The following LMBR1 variants were observed in gnomAD, a reference collection of about 807,000 sequenced individuals.
LMBR1 encodes the protein limb region 1 protein homolog.
LMBR1 carries 52 observed loss-of-function variants against 73.9 expected under a neutral mutation model. The observed-to-expected ratio is 0.70, with a 90% confidence interval of 0.56 to 0.89. The LOEUF (loss-of-function observed/expected upper bound fraction) is 0.89. LMBR1 is among the 40% of genes least tolerant of loss of function. The probability of loss-of-function intolerance (pLI) is 0.00; values close to 1 mark genes in which losing one functional copy is unlikely to be tolerated. For missense variants in LMBR1, 539 were observed against 579.8 expected, an observed-to-expected ratio of 0.93 and a Z score of 0.72; for synonymous variants, 215 against 209.4, an observed-to-expected ratio of 1.03 and a Z score of -0.23.
At chr7:156,874,483 T>G (rs1034751470) in intron 1 of LMBR1, among the ~76,000 whole-genome samples, 11 of 152,092 alleles carry the variant, frequency 7.2e-5, no homozygotes, top group Admixed American at 2.0e-4. Context: ...GCTCCTCAAA[T>G]GCCACCAAAG....
At chr7:156,743,789 A>T (rs993438381) in intron 9 of LMBR1, among the ~76,000 whole-genome samples, 1 of 152,212 alleles carries the variant, frequency 6.6e-6, no homozygotes, top group Non-Finnish European at 1.5e-5. Flanking sequence ...AGCATCACAC[A>T]GTCCTAGCCC....
chr7:156,874,473 G>C (rs552512454), intron 1 of LMBR1, among the ~76,000 whole-genome samples: 1 of 152,358 alleles, frequency 6.6e-6, no homozygotes, highest in Admixed American at 6.5e-5. Context: ...GGGCCGAAGG[G>C]CTCCTCAAAT....
chr7:156,676,914 T>C (rs1031397353), downstream of LMBR1: 23 of 429,900 alleles, frequency 5.4e-5, 1 homozygote, highest in South Asian at 2.1e-4. Flanking sequence ...AGAGCTTGCT[T>C]ACTTCTAAAA....
At chr7:156,886,998 T>C (rs987785354) in intron 1 of LMBR1, among the ~76,000 whole-genome samples, 1 of 152,176 alleles carries the variant, frequency 6.6e-6, no homozygotes, top group African/African-American at 2.4e-5. Flanking sequence ...AGAGAGGGTA[T>C]ACTCAGTTAG....
At chr7:156,862,369 C>T (rs922671221) in intron 1 of LMBR1, among the ~76,000 whole-genome samples, 10 of 152,060 alleles carry the variant, frequency 6.6e-5, no homozygotes, top group South Asian at 4.1e-4. Context: ...GTCCCTCCCA[C>T]GACACATGAG....
chr7:156,789,680 C>T (rs1828850873), intron 5 of LMBR1, among the ~76,000 whole-genome samples: 1 of 152,070 alleles, frequency 6.6e-6, no homozygotes, highest in African/African-American at 2.4e-5. Context: ...ACAATTCAAC[C>T]CCTAGCCTCT....
rs190378134 is a variant in LMBR1, at chr7:156,752,084, G to A, written c.757+4309C>T. 2.8e-3 allele frequency among the ~76,000 whole-genome samples: 419 copies of A among 152,244 alleles called. 4 individuals are homozygous for A. Among genetic ancestry groups the A allele is most frequent in the African/African-American group, 9.3e-3 (385 of 41,542 alleles). On this transcript the variant is annotated intron_variant, in intron 9 of 16. Coordinates refer to ENST00000353442, the MANE Select transcript of LMBR1 (RefSeq NM_022458.4). ...AAAGTGGATTGAGAAAAAGCAGCCC[G>A]TTAAATAAAAGGAACAGGAAAGTAT...
chr7:156,836,532 T>G (rs960563925), intron 2 of LMBR1, among the ~76,000 whole-genome samples: 7 of 152,168 alleles, frequency 4.6e-5, no homozygotes, highest in African/African-American at 1.7e-4. Context: ...CAAATATCCT[T>G]ATAAACTCGG....
rs1805892086 is a variant in LMBR1 at position 156,685,821 on chromosome 7, T to C, written c.1388-1658A>G. 6.6e-6 allele frequency among the ~76,000 whole-genome samples: 1 copy of C among 152,216 alleles called. No homozygotes were observed. The highest frequency in any genetic ancestry group is 6.5e-5 in the Admixed American group (1 of 15,288). ...CCTTTCTGGCATCTCAACAACTTAC[T>C]TGGAAAAGATTTTTCTCCCTAAAAT... On this transcript the variant is annotated intron_variant, in intron 16 of 16. Coordinates refer to ENST00000353442, the MANE Select transcript of LMBR1 (RefSeq NM_022458.4). This position sits in a 1 kb window ranked among gnomAD's most constrained non-coding sequence, Gnocchi z 4.1.
intron 4 of LMBR1, among the ~76,000 whole-genome samples, chr7:156,806,031 G>A (rs915843418): frequency 4.6e-5 from 7 of 152,264 alleles, no homozygotes; most frequent in Admixed American, 6.5e-5. Flanking sequence ...TCAGCCTCCA[G>A]AACTGTAAAA....
chr7:156,855,666 C>CAAAAAAAAAAAAAAAAA (rs35231167), intron 1 of LMBR1, among the ~76,000 whole-genome samples: 2 of 87,280 alleles, frequency 2.3e-5, no homozygotes, highest in Non-Finnish European at 4.4e-5. Flanking sequence ...AACGTAAATA[C>CAAAAAAAAAAAAAAAAA]AAAAAAAAAA....
intron 4 of LMBR1, among the ~76,000 whole-genome samples, chr7:156,812,533 G>A (rs930918835): frequency 6.6e-6 from 1 of 152,144 alleles, no homozygotes; most frequent in African/African-American, 2.4e-5. Context: ...GGAAGGAAAT[G>A]AGGGCCTCAG....
rs71189962 is a variant in LMBR1, at chr7:156,806,598, CTTTTTTTTTTTTTTTTTTTTTTT to C, written c.320-10129_320-10107del. ...GTTATCAGTAGGTTTTTTGTAGATG[CTTTTTTTTTTTTTTTTTTTTTTT>C]TTTTTTGAGACGGAGTCTCACTCTG... On this transcript the variant is annotated intron_variant, in intron 4 of 16. Coordinates refer to ENST00000353442, the MANE Select transcript of LMBR1 (RefSeq NM_022458.4). 2.2e-4 allele frequency among the ~76,000 whole-genome samples: 10 copies of C among 44,674 alleles called. No individual in the cohort carries two copies. In the East Asian group the frequency reaches 7.3e-3, roughly 33 times the overall value. 29.3% of individuals were successfully genotyped at this position (44,674 alleles called of 152,430 possible).
At chr7:156,760,520 T>C (rs921869639) in intron 8 of LMBR1, among the ~76,000 whole-genome samples, 1 of 152,096 alleles carries the variant, frequency 6.6e-6, no homozygotes, top group African/African-American at 2.4e-5. Context: ...CATTTGCCTA[T>C]AGTTAGGGGT....
At chr7:156,890,971 A>G (rs1296386560) in intron 1 of LMBR1, among the ~76,000 whole-genome samples, 2 of 151,950 alleles carry the variant, frequency 1.3e-5, no homozygotes, top group East Asian at 3.9e-4. Context: ...CAGGTGGATC[A>G]CCTGAGGTCA....
intron 4 of LMBR1, among the ~76,000 whole-genome samples, chr7:156,803,426 G>T (rs1204520156): frequency 2.0e-5 from 3 of 152,140 alleles, no homozygotes; most frequent in Non-Finnish European, 2.9e-5. Context: ...GGCCATCAGA[G>T]AAATGCAAAT....
chr7:156,880,886 C>T (rs1186857448), intron 1 of LMBR1, among the ~76,000 whole-genome samples: 1 of 152,196 alleles, frequency 6.6e-6, no homozygotes, highest in African/African-American at 2.4e-5. Context: ...CTCCTGACCT[C>T]AGGCAATCCA....
At chr7:156,839,627 T>C (rs1212777032) in intron 1 of LMBR1, among the ~76,000 whole-genome samples, 1 of 152,176 alleles carries the variant, frequency 6.6e-6, no homozygotes, top group Non-Finnish European at 1.5e-5. Context: ...AGAACAACTT[T>C]GGACCAGGAT....
intron 5 of LMBR1, among the ~76,000 whole-genome samples, chr7:156,788,532 C>A (rs1443173438): frequency 6.6e-6 from 1 of 151,332 alleles, no homozygotes; most frequent in African/African-American, 2.4e-5. Context: ...GAGTCAAGCA[C>A]TGAAATCATG....
Sources: gnomAD v4.1 joint callset for allele counts (sites outside exome capture counted in the v4.1 genomes callset) on GRCh38, gnomAD v4.1.1 for gene constraint, Gnocchi (gnomAD v3.1) non-coding constraint, MANE v1.5 for transcripts, NCBI Gene and HGNC (gene_info 2026-07-23, HGNC 2026-07-21) for gene names.